Variants in MDGA2 observed in about 807,000 individuals in gnomAD.
MDGA2 encodes MAM domain containing glycosylphosphatidylinositol anchor 2.
In MDGA2, 40 loss-of-function variants were observed where a neutral mutation model predicts 117.8. That is an observed-to-expected ratio of 0.34 (90% CI 0.26 to 0.44). The LOEUF is 0.44. Ranked by LOEUF, MDGA2 falls within the 20% of genes least tolerant of loss-of-function variation. The pLI is 1.00. For missense variants in MDGA2, 1,123 were observed against 1,250.6 expected, an observed-to-expected ratio of 0.90 and a Z score of 1.54; for synonymous variants, 452 against 439.0, an observed-to-expected ratio of 1.03 and a Z score of -0.37.
chr14:47,316,782 A>G (rs1384836537), intron 1 of MDGA2, among the ~76,000 whole-genome samples: 2 of 152,112 alleles, frequency 1.3e-5, no homozygotes, highest in Admixed American at 6.6e-5. Flanking sequence ...AGAAATATCC[A>G]AACAAGCTAT....
intron 1 of MDGA2, among the ~76,000 whole-genome samples, chr14:47,457,736 C>T (rs561838917): frequency 3.3e-5 from 5 of 150,900 alleles, no homozygotes; most frequent in African/African-American, 7.3e-5. Flanking sequence ...AGCCTGAGTC[C>T]GTCTATGTGC....
rs1051409764 is a variant in MDGA2 at position 46,887,171 on chromosome 14, GA to G, written c.2239-4951del. On this transcript the variant is annotated intron_variant, in intron 10 of 16. Transcript: ENST00000399232. ...TTGTATTTTCAGCTCAGAAAATTAA[GA>G]AAAAAAATACATCTATTAGTCTTTA... Among the ~76,000 whole-genome samples, 4 of 151,476 alleles carry G rather than the reference GA, an allele frequency of 2.6e-5. No individual in the cohort carries two copies. The South Asian group carries it at 6.2e-4, about 24-fold the overall frequency.
intron 1 of MDGA2, among the ~76,000 whole-genome samples, chr14:47,502,097 T>A (rs1182536669): frequency 2.0e-5 from 3 of 152,140 alleles, no homozygotes; most frequent in African/African-American, 7.2e-5. Flanking sequence ...ATAAGTTGAC[T>A]TAAAAGGTCC....
intron 3 of MDGA2, among the ~76,000 whole-genome samples, chr14:47,176,822 G>A (rs1334021131): frequency 6.6e-6 from 1 of 152,102 alleles, no homozygotes; most frequent in African/African-American, 2.4e-5. Flanking sequence ...AAACTAAAGA[G>A]CTTCTGCACA....
chr14:46,914,634 TATTTA>T (rs1422921426), intron 10 of MDGA2, among the ~76,000 whole-genome samples: 1 of 152,142 alleles, frequency 6.6e-6, no homozygotes, highest in African/African-American at 2.4e-5. Context: ...TTTATAATCC[TATTTA>T]ATTTAAGAAT....
At chr14:47,016,807 G>A (rs1476274262) in intron 8 of MDGA2, among the ~76,000 whole-genome samples, 1 of 151,916 alleles carries the variant, frequency 6.6e-6, no homozygotes, top group Non-Finnish European at 1.5e-5. Context: ...TCTAAACTCT[G>A]TTTTCTTTGT....
intron 8 of MDGA2, among the ~76,000 whole-genome samples, chr14:47,014,043 C>A (rs1483244964): frequency 6.6e-6 from 1 of 151,844 alleles, no homozygotes; most frequent in Non-Finnish European, 1.5e-5. Context: ...GATCTGCCCA[C>A]CTTGTCCTCC....
At chr14:46,839,702 G>A (rs1205765752), downstream of MDGA2, among the ~76,000 whole-genome samples, 2 of 151,832 alleles carry the variant, frequency 1.3e-5, no homozygotes, top group East Asian at 3.9e-4. Context: ...GGGTTACTGT[G>A]AAACTCTGAA....
intron 12 of MDGA2, among the ~76,000 whole-genome samples, chr14:46,876,144 C>A (rs1345281468): frequency 6.6e-6 from 1 of 151,194 alleles, no homozygotes; most frequent in Non-Finnish European, 1.5e-5. Flanking sequence ...TGTAATAATT[C>A]AAATCAAACA....
Position 46,976,121 on chromosome 14 carries a change from T to C in MDGA2, c.1820-18478A>G, listed in dbSNP as rs143104085. Among the ~76,000 whole-genome samples, 160 of 152,248 alleles carry C rather than the reference T, an allele frequency of 1.1e-3. No individual in the cohort carries two copies. The East Asian group carries it at 0.022, about 21-fold the overall frequency. ...TTTCAGTTCTACAAGATGAAAAGTG[T>C]TATGAAGATGGATGACAGTGTTGGA... On this transcript the variant is annotated intron_variant, in intron 8 of 16. Transcript: ENST00000399232.
chr14:46,930,220 A>G (rs1047711913), intron 9 of MDGA2, among the ~76,000 whole-genome samples: 2 of 152,116 alleles, frequency 1.3e-5, no homozygotes, highest in Non-Finnish European at 2.9e-5. Flanking sequence ...GTTTAACAGA[A>G]TTTGTCTCCC....
chr14:47,032,046 C>A (rs1888682203), intron 8 of MDGA2, among the ~76,000 whole-genome samples: 1 of 151,970 alleles, frequency 6.6e-6, no homozygotes, highest in East Asian at 1.9e-4. Flanking sequence ...TGTGTTTACA[C>A]AACAAATTTA....
chr14:47,365,846 ATG>A (rs1345747443), intron 1 of MDGA2, among the ~76,000 whole-genome samples: 2 of 152,200 alleles, frequency 1.3e-5, no homozygotes, highest in Non-Finnish European at 2.9e-5. Context: ...GTATGGCAAC[ATG>A]TCCTCATTTA....
At chr14:47,495,175 T>TG (rs1894255345) in intron 1 of MDGA2, among the ~76,000 whole-genome samples, 1 of 151,932 alleles carries the variant, frequency 6.6e-6, no homozygotes, top group African/African-American at 2.4e-5. Flanking sequence ...AAGCAGAAAG[T>TG]CAAAAACCAC....
intron 14 of MDGA2, among the ~76,000 whole-genome samples, chr14:46,865,436 A>G (rs1342956636): frequency 1.3e-5 from 2 of 152,178 alleles, no homozygotes; most frequent in Non-Finnish European, 2.9e-5. Context: ...CCAATATCAT[A>G]CTGAATGGGC....
intron 1 of MDGA2, among the ~76,000 whole-genome samples, chr14:47,555,708 C>T (rs968096935): frequency 6.6e-6 from 1 of 152,144 alleles, no homozygotes; most frequent in African/African-American, 2.4e-5. Context: ...ATCTTCTCCA[C>T]CTCCCACAAT....
chr14:47,234,061 T>A (rs1405535074), intron 2 of MDGA2, among the ~76,000 whole-genome samples: 1 of 152,124 alleles, frequency 6.6e-6, no homozygotes, highest in Non-Finnish European at 1.5e-5. Context: ...TTTTTAAATA[T>A]TTATTTTTCT....
At chr14:46,909,460 C>T (rs1409408502) in intron 10 of MDGA2, among the ~76,000 whole-genome samples, 30 of 152,042 alleles carry the variant, frequency 2.0e-4, no homozygotes, top group Non-Finnish European at 1.5e-5. Context: ...CACCGTATGT[C>T]CCTTTCAAAA....
chr14:47,061,509 C>A lies in MDGA2; in HGVS notation c.1265G>T (p.Arg422Leu), dbSNP rs753172800. The A allele has an allele frequency of 6.2e-7, 1 of 1,613,268 alleles. No homozygotes were observed. The highest frequency in any genetic ancestry group is 8.5e-7 in the Non-Finnish European group (1 of 1,179,508). ...TACTTGGCAAGATATTTTCACCTCA[C>A]GGCCAATCTGGATGTTGTCATCTTT... ...YHKDDNIQIG[R>L]EVKISCQVEA... The change falls in exon 7 of 17, where the codon CGT becomes CTT. Residue 422 changes from arginine to leucine, a missense_variant. Physicochemically the swap from Arg to Leu is moderately radical, Grantham distance 102 (BLOSUM62 -2). Transcript: ENST00000399232.
Sources: gnomAD v4.1 joint callset for allele counts (sites outside exome capture counted in the v4.1 genomes callset) on GRCh38, gnomAD v4.1.1 for gene constraint, MANE v1.5 for transcripts, NCBI Gene and HGNC (gene_info 2026-07-23, HGNC 2026-07-21) for gene names.